BET1: variants seen among roughly 807,000 people sequenced by gnomAD.
BET1 encodes the protein Bet1 golgi vesicular membrane trafficking protein.
BET1 carries 9 observed loss-of-function variants against 13.9 expected under a neutral mutation model. The observed-to-expected ratio is 0.65, with a 90% CI of 0.39 to 1.13. The LOEUF is 1.13. Among genes scored for constraint, BET1 ranks in the 50% most tolerant of loss-of-function variants. The pLI is 0.01. For missense variants in BET1, 127 were observed against 133.6 expected (o/e 0.95, Z 0.24); for synonymous variants, 39 against 47.3 (o/e 0.82, Z 0.72).
At chr7:93,983,968 C>T (rs1046147402) in intron 4 of BET1, among the ~76,000 whole-genome samples, 52 of 152,068 alleles carry the variant, frequency 3.4e-4, no homozygotes, top group African/African-American at 1.2e-3. Context: ...TGACTGATGT[C>T]TTAGTTTCCT....
chr7:94,004,162 A>G, intron 1 of BET1, 36 bp downstream of exon 1: 1 of 1,613,798 alleles, frequency 6.2e-7, no homozygotes, highest in South Asian at 1.1e-5. Context: ...TCCCGGTTCT[A>G]GGGCCCCGAA....
chr7:93,963,813 A>G (rs1316581512), exon 7 of BET1: 2 of 152,036 alleles, frequency 1.3e-5, no homozygotes, highest in Admixed American at 1.3e-4. Context: ...TTATATCAAA[A>G]CATACTTTTT....
In BET1 at chr7:93,993,894, T is replaced by C. The variant is rs1340984896; in HGVS notation, c.*336A>G. 4 of 1,535,770 alleles carry C rather than the reference T, an allele frequency of 2.6e-6. No homozygotes were observed. The East Asian group carries it at 9.8e-5, about 38-fold the overall frequency. ...TCTGTTACTCTCCCACTAAGTTTCCTTACATGGGACATAAACCTGCATTTA... is the reference window on the plus strand; with the variant it reads ...TCTGTTACTCTCCCACTAAGTTTCCCTACATGGGACATAAACCTGCATTTA... On this transcript the variant is annotated 3_prime_UTR_variant, in exon 4 of 4. Transcript: ENST00000222547.
chr7:93,998,966 T>TA (rs1012001281), intron 2 of BET1, among the ~76,000 whole-genome samples: 4 of 151,996 alleles, frequency 2.6e-5, no homozygotes, highest in Non-Finnish European at 2.9e-5. Flanking sequence ...TCTTAAGTAT[T>TA]AAAAAAAATC....
chr7:93,973,626 TG>T (rs1342972115), intron 5 of BET1, among the ~76,000 whole-genome samples: 1 of 151,944 alleles, frequency 6.6e-6, no homozygotes, highest in Non-Finnish European at 1.5e-5. Flanking sequence ...CTACTGATCA[TG>T]GGGCGAGAAC....
chr7:93,973,976 C>G (rs180846640), intron 5 of BET1, among the ~76,000 whole-genome samples: 2 of 152,054 alleles, frequency 1.3e-5, no homozygotes, highest in Admixed American at 1.3e-4. Flanking sequence ...AAATAATATA[C>G]TTTCCTTAGT....
chr7:94,002,856 C>T (rs1421572390), intron 1 of BET1, among the ~76,000 whole-genome samples: 3 of 152,212 alleles, frequency 2.0e-5, no homozygotes, highest in Non-Finnish European at 4.4e-5. Context: ...AGGTCTACTT[C>T]AAATTCCTAT....
downstream of BET1, chr7:93,992,216 T>C (rs1449205257): frequency 3.0e-6 from 3 of 985,238 alleles, no homozygotes; most frequent in East Asian, 1.1e-4. Context: ...ATAAGAAATG[T>C]TGAACCATGC....
rs1562806093 is a variant in BET1 at position 93,993,514 on chromosome 7, C to T, written c.*716G>A. 1.0e-6 allele frequency: 1 copy of T among 991,384 alleles called. No individual in the cohort carries two copies. Among genetic ancestry groups the T allele is most frequent in the Non-Finnish European group, 1.2e-6 (1 of 830,324 alleles). The allele number at this position is 991,384 out of a possible 1,614,324, so 61.4% of individuals were successfully genotyped here. A position where few individuals can be genotyped will look rare whatever the true frequency, so the allele number is the denominator to read the frequency against. The stretch of plus-strand genomic sequence containing the variant: ...TCTGTCACAAATGATAAATGTGCTA[C>T]CTATGTAGTAAAAATCATAAAACTA... On this transcript the variant is annotated 3_prime_UTR_variant, in exon 4 of 4. Transcript: ENST00000222547.
At chr7:93,995,764 G>A (rs1795754190) in intron 3 of BET1, among the ~76,000 whole-genome samples, 1 of 152,152 alleles carries the variant, frequency 6.6e-6, no homozygotes, top group Non-Finnish European at 1.5e-5. Context: ...GTTAACAAAT[G>A]GAAGGGGACT....
At chr7:93,974,125 A>G (rs1419383550) in intron 5 of BET1, among the ~76,000 whole-genome samples, 2 of 152,026 alleles carry the variant, frequency 1.3e-5, no homozygotes, top group Admixed American at 6.6e-5. Flanking sequence ...AGTTATATAT[A>G]AGAAAAGGGA....
At chr7:93,983,210 G>T (rs1038887460) in intron 4 of BET1, among the ~76,000 whole-genome samples, 2 of 152,122 alleles carry the variant, frequency 1.3e-5, no homozygotes, top group East Asian at 1.9e-4. Flanking sequence ...GATAGAAAAA[G>T]GTATTTGGTG....
chr7:93,992,354 C>T (rs1486671251), downstream of BET1: 32 of 985,242 alleles, frequency 3.2e-5, no homozygotes, highest in Non-Finnish European at 3.6e-5. Flanking sequence ...GCTAAACAAT[C>T]CTGAAATCCA....
intron 4 of BET1, among the ~76,000 whole-genome samples, chr7:93,984,836 G>A (rs1356067917): frequency 6.6e-6 from 1 of 152,064 alleles, no homozygotes; most frequent in African/African-American, 2.4e-5. Flanking sequence ...TCATGTATTA[G>A]TACTATAATC....
At chr7:93,980,509 A>C (rs1480704823) in intron 4 of BET1, among the ~76,000 whole-genome samples, 2 of 152,176 alleles carry the variant, frequency 1.3e-5, no homozygotes, top group African/African-American at 4.8e-5. Flanking sequence ...CCTGATACAC[A>C]GTATTACCAA....
intron 1 of BET1, 141 bp downstream of exon 1, chr7:94,004,057 G>T: frequency 8.1e-7 from 1 of 1,229,698 alleles, no homozygotes; most frequent in Non-Finnish European, 1.2e-6. Context: ...GTTTCCACTC[G>T]ACATGGACCC....
chr7:93,966,158 G>T (rs1341821898), intron 6 of BET1, among the ~76,000 whole-genome samples: 1 of 151,892 alleles, frequency 6.6e-6, no homozygotes, highest in East Asian at 1.9e-4. Flanking sequence ...TATTTACAAA[G>T]AATCCACATC....
intron 4 of BET1, among the ~76,000 whole-genome samples, chr7:93,978,151 C>T (rs544414139): frequency 2.6e-5 from 4 of 152,154 alleles, no homozygotes; most frequent in African/African-American, 9.6e-5. Flanking sequence ...CTTACCACAG[C>T]CTCCACCTCT....
chr7:93,989,793 C>T (rs1795596463), downstream of BET1, among the ~76,000 whole-genome samples: 1 of 152,064 alleles, frequency 6.6e-6, no homozygotes, highest in African/African-American at 2.4e-5. Context: ...TTAAAATGCT[C>T]TCTGTGTGAA....
Sources: allele counts gnomAD v4.1 joint callset (sites outside exome capture counted in the v4.1 genomes callset), GRCh38; gene constraint gnomAD v4.1.1; transcripts MANE v1.5; gene names NCBI Gene and HGNC (gene_info 2026-07-23, HGNC 2026-07-21).